MON2: variants seen among roughly 807,000 people sequenced by gnomAD.
The protein encoded by MON2 is protein MON2 homolog.
In MON2, 84 loss-of-function variants were observed where a neutral mutation model predicts 208.6. The ratio of observed to expected loss-of-function variants is 0.40; its 90% CI spans 0.34 to 0.48. MON2 has a LOEUF of 0.48. MON2 is among the 20% of genes least tolerant of loss of function. MON2 has a pLI of 0.59. For missense variants in MON2, 1,611 were observed against 2,015.4 expected (o/e 0.80, Z 3.84); for synonymous variants, 660 against 694.0 (o/e 0.95, Z 0.77).
intron 4 of MON2, among the ~76,000 whole-genome samples, chr12:62,495,392 T>C (rs2136054947): frequency 6.7e-6 from 1 of 148,318 alleles, no homozygotes; most frequent in East Asian, 2.0e-4. Flanking sequence ...GAATAGGAAA[T>C]GGAAAAAAGA....
chr12:62,584,685 A>G (rs2075133768), intron 32 of MON2, among the ~76,000 whole-genome samples: 1 of 148,254 alleles, frequency 6.7e-6, no homozygotes, highest in African/African-American at 2.5e-5. Flanking sequence ...CCTGGGCAAC[A>G]AGATGAGACT....
At chr12:62,554,943 C>T (rs563363297) in intron 24 of MON2, among the ~76,000 whole-genome samples, 182 of 150,316 alleles carry the variant, frequency 1.2e-3, no homozygotes, top group Admixed American at 3.1e-3. Flanking sequence ...TACACGCGCC[C>T]GCCACCACAC....
intron 1 of MON2, among the ~76,000 whole-genome samples, chr12:62,474,557 T>G (rs11174499): frequency 0.044 from 6,746 of 152,240 alleles, 213 homozygotes; most frequent in Non-Finnish European, 0.059. Context: ...CCTGAGTAGC[T>G]GGGATTACAG....
At position 62,477,044 on chromosome 12, in the gene MON2, G is replaced by A. The variant is rs148650349; in HGVS notation, c.112-7126G>A. ...GTGTGCCTATAGTCCCGGCCATTTG[G>A]GAGACTGAGGCAGGAGGATTGGTTG... is the stretch of plus-strand genomic sequence containing the variant. On this transcript the variant is annotated intron_variant, in intron 1 of 34. Coordinates refer to ENST00000393630, the MANE Select transcript of MON2 (RefSeq NM_015026.3). Among the ~76,000 whole-genome samples the A allele has an allele frequency of 9.5e-3, 1,452 of 152,140 alleles. 18 individuals carry two copies. Among genetic ancestry groups the A allele is most frequent in the Middle Eastern group, 0.027 (8 of 292 alleles).
chr12:62,532,805 T>C lies in MON2; in HGVS notation c.1633+135T>C, dbSNP rs1030047231. The C allele has an allele frequency of 1.9e-5, 13 of 667,726 alleles. No individual in the cohort carries two copies. In the African/African-American group the frequency reaches 2.0e-4, roughly 10 times the overall value. The allele number at this position is 667,726 out of a possible 1,614,324, so 41.4% of individuals were successfully genotyped here. Reference sequence around the variant, plus strand: ...TTCCCACATTTACCTTACCATTTTCTTGAATTATATACATGTGACTATACT... The same window carrying C: ...TTCCCACATTTACCTTACCATTTTCCTGAATTATATACATGTGACTATACT... On this transcript the variant is annotated intron_variant, in intron 12 of 34. Transcript: ENST00000393630.
At chr12:62,588,624 G>A (rs940243225) in intron 34 of MON2, among the ~76,000 whole-genome samples, 10 of 151,804 alleles carry the variant, frequency 6.6e-5, no homozygotes, top group African/African-American at 1.7e-4. Context: ...CATGATAGCC[G>A]GAAATGATTT....
At chr12:62,482,717 C>T (rs6581451) in intron 1 of MON2, 132,095 of 152,236 alleles carry the variant, frequency 0.87, 57,556 homozygotes, top group African/African-American at 0.93. Flanking sequence ...AATACATATA[C>T]GTAATTTTTA....
At chr12:62,491,259 C>G (rs1391525091) in intron 2 of MON2, among the ~76,000 whole-genome samples, 1 of 152,124 alleles carries the variant, frequency 6.6e-6, no homozygotes, top group African/African-American at 2.4e-5. Context: ...AAGAAAATCT[C>G]AGAGACAATA....
chr12:62,570,913 G>A (rs910778325), intron 29 of MON2, among the ~76,000 whole-genome samples: 1 of 151,492 alleles, frequency 6.6e-6, no homozygotes, highest in African/African-American at 2.4e-5. Flanking sequence ...TGTATTTTTA[G>A]TAGAGATGAG....
At chr12:62,525,243 G>T (rs373050879) in intron 10 of MON2, 23 bp downstream of exon 10, 4 of 1,610,414 alleles carry the variant, frequency 2.5e-6, no homozygotes, top group Non-Finnish European at 3.4e-6. Flanking sequence ...TCATAATTTT[G>T]TTTCTTATAT....
chr12:62,548,011 A>G (rs549636482), intron 22 of MON2, among the ~76,000 whole-genome samples: 72 of 152,204 alleles, frequency 4.7e-4, no homozygotes, highest in Non-Finnish European at 8.1e-4. Context: ...GCCACAAAAT[A>G]AGAAACCTTC....
At chr12:62,516,884 A>T (rs945076426) in intron 8 of MON2, among the ~76,000 whole-genome samples, 4 of 151,636 alleles carry the variant, frequency 2.6e-5, no homozygotes, top group African/African-American at 7.3e-5. Context: ...CATAAAAATT[A>T]AAAAAAAATA....
At chr12:62,498,820 C>T (rs2070681060) in intron 4 of MON2, 99 bp from the exon 5 acceptor site, 2 of 1,267,538 alleles carry the variant, frequency 1.6e-6, no homozygotes, top group Non-Finnish European at 2.1e-6. Context: ...TGGGACTTTC[C>T]ATAATGGTGA....
At chr12:62,577,324 G>A (rs1201974690) in intron 30 of MON2, among the ~76,000 whole-genome samples, 2 of 152,046 alleles carry the variant, frequency 1.3e-5, no homozygotes, top group Non-Finnish European at 2.9e-5. Flanking sequence ...GAAATGGACT[G>A]AGTCTGTCCT....
intron 2 of MON2, among the ~76,000 whole-genome samples, chr12:62,486,088 T>C (rs1465271288): frequency 6.6e-6 from 1 of 152,162 alleles, no homozygotes; most frequent in African/African-American, 2.4e-5. Flanking sequence ...ATGACCTGGA[T>C]ATTTTTATGT....
chr12:62,484,242 T>C lies in MON2; in HGVS notation c.175+9T>C. The C allele has an allele frequency of 1.3e-6, 2 of 1,577,244 alleles. No individual in the cohort carries two copies. The highest frequency in any genetic ancestry group is 1.7e-6 in the Non-Finnish European group (2 of 1,157,054). On this transcript the variant is annotated intron_variant, in intron 2 of 34. Transcript: ENST00000393630. ...CACTGAAATTTTGGCAGGTAATTTT[T>C]TGTATTAAAAATTTAATAATAAACA...
chr12:62,520,463 T>C (rs1334738882), intron 8 of MON2, among the ~76,000 whole-genome samples: 2 of 152,132 alleles, frequency 1.3e-5, no homozygotes, highest in African/African-American at 4.8e-5. Flanking sequence ...TTGTACAGTA[T>C]ATACAAATGT....
rs10219555 is a variant in MON2 at position 62,534,853 on chromosome 12, G to A, written c.1642G>A (p.Ala548Thr). 572,595 of 1,603,540 alleles carry A rather than the reference G, an allele frequency of 0.36. 103,658 individuals carry two copies. Among genetic ancestry groups the A allele is most frequent in the African/African-American group, 0.38 (27,974 of 74,440 alleles). Residue 548 changes from alanine (A) to threonine (T), a missense_variant, in exon 13 of 35, where the codon GCT (alanine) becomes ACT (threonine). Transcript: ENST00000393630. ...DQMDKEIVSR[A>T]VWEEMVNACW... ...TGTTTTTTTCCTTTAAGTTAGTAGGGCTGTTTGGGAAGAAATGGTGAATGC... is the reference window on the plus strand; with the variant it reads ...TGTTTTTTTCCTTTAAGTTAGTAGGACTGTTTGGGAAGAAATGGTGAATGC...
chr12:62,543,694 G>A (rs1465776759), intron 20 of MON2, among the ~76,000 whole-genome samples: 1 of 151,798 alleles, frequency 6.6e-6, no homozygotes, highest in South Asian at 2.1e-4. Context: ...TGCAACCGCC[G>A]CCTCTCAGGT....
Sources: allele counts gnomAD v4.1 joint callset (sites outside exome capture counted in the v4.1 genomes callset), GRCh38; gene constraint gnomAD v4.1.1; transcripts MANE v1.5; gene names NCBI Gene and HGNC (gene_info 2026-07-23, HGNC 2026-07-21).